TMEM131: variants seen among roughly 807,000 people sequenced by gnomAD.
The protein encoded by TMEM131 is 2610524E03Rik.
In TMEM131, 66 loss-of-function variants were observed where a neutral mutation model predicts 211.6. That is an observed-to-expected ratio of 0.31 (90% confidence interval 0.26 to 0.38). The LOEUF (loss-of-function observed/expected upper bound fraction) is 0.38, where lower values mean the gene tolerates loss of function less well. Ranked by LOEUF, TMEM131 falls within the 10% of genes least tolerant of loss-of-function variation. TMEM131 has a pLI of 1.00. For synonymous variants in TMEM131, 844 were observed against 841.3 expected, an observed-to-expected ratio of 1.00 and a Z score of -0.06; for missense variants, 2,036 against 2,299.3, an observed-to-expected ratio of 0.89 and a Z score of 2.34.
chr2:97,909,882 T>C (rs1489140934), intron 2 of TMEM131, among the ~76,000 whole-genome samples: 1 of 152,208 alleles, frequency 6.6e-6, no homozygotes, highest in East Asian at 1.9e-4. Flanking sequence ...TTGGTATTGG[T>C]TGAGCTCTTC....
At chr2:97,920,060 A>T (rs1676677384) in intron 2 of TMEM131, among the ~76,000 whole-genome samples, 1 of 152,206 alleles carries the variant, frequency 6.6e-6, no homozygotes, top group Admixed American at 6.5e-5. Flanking sequence ...CACAGCAGGT[A>T]TACTAGGGCC....
chr2:97,952,938 T>C (rs911024648), intron 1 of TMEM131, among the ~76,000 whole-genome samples: 3 of 152,130 alleles, frequency 2.0e-5, no homozygotes, highest in Admixed American at 2.0e-4. Flanking sequence ...TTATGAATGC[T>C]ATAACCAGCA....
At chr2:97,826,025 G>A (rs1035313247) in intron 11 of TMEM131, among the ~76,000 whole-genome samples, 4 of 152,208 alleles carry the variant, frequency 2.6e-5, no homozygotes, top group Non-Finnish European at 1.5e-5. Context: ...CCCAGAGGAT[G>A]GGGAACCAAT....
intron 4 of TMEM131, among the ~76,000 whole-genome samples, chr2:97,879,356 C>G (rs1390731473): frequency 6.6e-6 from 1 of 152,160 alleles, no homozygotes; most frequent in African/African-American, 2.4e-5. Flanking sequence ...CTCTGACTTT[C>G]CTGCAGATAT....
At chr2:97,869,348 T>C (rs975540713) in intron 4 of TMEM131, among the ~76,000 whole-genome samples, 1 of 152,194 alleles carries the variant, frequency 6.6e-6, no homozygotes, top group Non-Finnish European at 1.5e-5. Flanking sequence ...GTGGAAGTGC[T>C]AGGAGCCTGG....
chr2:97,872,647 G>A (rs1220997403), intron 4 of TMEM131, among the ~76,000 whole-genome samples: 3 of 152,210 alleles, frequency 2.0e-5, no homozygotes, highest in Non-Finnish European at 4.4e-5. Context: ...CAAGGGGTCA[G>A]GGAATTTTCT....
At chr2:97,904,480 T>C (rs1472954746) in intron 3 of TMEM131, among the ~76,000 whole-genome samples, 1 of 152,216 alleles carries the variant, frequency 6.6e-6, no homozygotes, top group Non-Finnish European at 1.5e-5. Context: ...GAATTATTTG[T>C]ACTATTTTTC....
intron 2 of TMEM131, among the ~76,000 whole-genome samples, chr2:97,916,140 T>C (rs1676498036): frequency 6.6e-6 from 1 of 152,146 alleles, no homozygotes; most frequent in South Asian, 2.1e-4. Context: ...GGTCTCAAAC[T>C]CCTGACCTCA....
intron 4 of TMEM131, among the ~76,000 whole-genome samples, chr2:97,887,335 C>G (rs1362409604): frequency 1.3e-5 from 2 of 152,054 alleles, no homozygotes; most frequent in Non-Finnish European, 2.9e-5. Flanking sequence ...CAGAGATGCT[C>G]AGCTGGTCTG....
At chr2:97,774,494 T>C (rs1328609609) in intron 32 of TMEM131, among the ~76,000 whole-genome samples, 1 of 152,198 alleles carries the variant, frequency 6.6e-6, no homozygotes, top group African/African-American at 2.4e-5. Context: ...AATAACTCGT[T>C]GGAGGGGACA....
chr2:97,769,346 T>G (rs1344486957), intron 33 of TMEM131, among the ~76,000 whole-genome samples: 1 of 152,182 alleles, frequency 6.6e-6, no homozygotes, highest in Non-Finnish European at 1.5e-5. Flanking sequence ...TTTCTTAATA[T>G]TCTGAGATTT....
chr2:97,904,064 A>G (rs1675968982), intron 3 of TMEM131, among the ~76,000 whole-genome samples: 1 of 152,200 alleles, frequency 6.6e-6, no homozygotes, highest in Admixed American at 6.6e-5. Flanking sequence ...ATTAGAGACT[A>G]AAGAGAAGTG....
intron 2 of TMEM131, among the ~76,000 whole-genome samples, chr2:97,909,718 T>C (rs1283563937): frequency 6.6e-6 from 1 of 152,234 alleles, no homozygotes; most frequent in Non-Finnish European, 1.5e-5. Flanking sequence ...AAAACTGTCC[T>C]AATTTTTTCA....
rs1681081284 is a variant in TMEM131, at chr2:97,802,521, A to G, written c.2558T>C (p.Leu853Ser). 3 of 1,611,212 alleles carry G rather than the reference A, an allele frequency of 1.9e-6. No individual in the cohort carries two copies. Among genetic ancestry groups the G allele is most frequent in the Non-Finnish European group, 2.5e-6 (3 of 1,179,040 alleles). The stretch of plus-strand genomic sequence containing the variant: ...GACAGGAACATCTGCAGGATTTTCT[A>G]AAGTAATCTCTTCTTCCTTAAACAA... The part of the protein sequence containing the change: ...TNCSSEEEIT[L>S]ENPADVPVYV... Residue 853 changes from leucine to serine, a missense_variant, in exon 24 of 41, where the codon TTA (leucine) becomes TCA (serine). Physicochemically the swap from Leu to Ser is moderately radical, Grantham distance 145. Coordinates refer to ENST00000186436, the MANE Select transcript of TMEM131 (RefSeq NM_015348.2).
intron 15 of TMEM131, among the ~76,000 whole-genome samples, chr2:97,813,329 G>A (rs754350877): frequency 6.6e-6 from 1 of 152,060 alleles, no homozygotes; most frequent in African/African-American, 2.4e-5. Context: ...AATTCTAATC[G>A]ATGCCAACTA....
At chr2:97,790,586 T>G (rs1217647785) in intron 31 of TMEM131, among the ~76,000 whole-genome samples, 1 of 152,192 alleles carries the variant, frequency 6.6e-6, no homozygotes, top group Non-Finnish European at 1.5e-5. Flanking sequence ...CACGCTGGTG[T>G]TGGAAGACTG....
intron 4 of TMEM131, 34 bp from the exon 5 acceptor site, chr2:97,859,461 TCA>T: frequency 2.7e-6 from 4 of 1,498,840 alleles, no homozygotes; most frequent in Non-Finnish European, 3.6e-6. Flanking sequence ...CACAAATATT[TCA>T]CAGATAATTC....
chr2:97,786,279 G>A (rs1222797209), intron 31 of TMEM131, among the ~76,000 whole-genome samples: 1 of 152,202 alleles, frequency 6.6e-6, no homozygotes, highest in Non-Finnish European at 1.5e-5. Flanking sequence ...ATACGATGTG[G>A]CTCACACTTG....
At chr2:97,974,306 A>T (rs1679433155) in intron 1 of TMEM131, among the ~76,000 whole-genome samples, 1 of 152,198 alleles carries the variant, frequency 6.6e-6, no homozygotes, top group Admixed American at 6.5e-5. Flanking sequence ...CACGCAGGAA[A>T]AGATCTAAAA....
Sources: allele counts gnomAD v4.1 joint callset (sites outside exome capture counted in the v4.1 genomes callset), GRCh38; gene constraint gnomAD v4.1.1; transcripts MANE v1.5; gene names NCBI Gene and HGNC (gene_info 2026-07-23, HGNC 2026-07-21).